The following UTP20 variants were observed in gnomAD, a reference collection of about 807,000 sequenced individuals.
The protein encoded by UTP20 is UTP20 small subunit processome component.
Under a neutral mutation model 329.5 loss-of-function variants are expected in UTP20, and 164 were observed. The observed-to-expected ratio is 0.50, with a 90% CI of 0.44 to 0.57. The LOEUF is 0.57. Ranked by LOEUF, UTP20 falls within the 20% of genes least tolerant of loss-of-function variation. The pLI is 0.00. For missense variants in UTP20, 3,055 were observed against 3,284.2 expected, an observed-to-expected ratio of 0.93 and a Z score of 1.71; for synonymous variants, 1,151 against 1,159.3, an observed-to-expected ratio of 0.99 and a Z score of 0.14.
intron 43 of UTP20, among the ~76,000 whole-genome samples, chr12:101,357,983 A>G (rs550389542): frequency 2.0e-5 from 3 of 152,320 alleles, no homozygotes; most frequent in Admixed American, 2.0e-4. Flanking sequence ...CTTCTTTTCA[A>G]GTAAGCAGCC....
chr12:101,335,342 A>G (rs1320447257), intron 29 of UTP20, among the ~76,000 whole-genome samples: 1 of 152,216 alleles, frequency 6.6e-6, no homozygotes, highest in African/African-American at 2.4e-5. Flanking sequence ...ATTGATAGAG[A>G]TGTTCTTCCA....
At chr12:101,285,661 T>C in intron 3 of UTP20, 25 bp downstream of exon 3, 1 of 1,613,746 alleles carries the variant, frequency 6.2e-7, no homozygotes. Flanking sequence ...GTTTCTATTT[T>C]ATTCACCCAT....
At chr12:101,340,314 G>T (rs1869079392) in intron 31 of UTP20, among the ~76,000 whole-genome samples, 1 of 152,142 alleles carries the variant, frequency 6.6e-6, no homozygotes, top group South Asian at 2.1e-4. Context: ...TAGAATAGTG[G>T]CCATGAGCTT....
chr12:101,291,590 T>G, intron 8 of UTP20, 152 bp from the exon 9 acceptor site: 1 of 594,222 alleles, frequency 1.7e-6, no homozygotes, highest in Non-Finnish European at 2.6e-6. Context: ...TCAGCCAATG[T>G]TAGCTGTTAT....
At position 101,293,243 on chromosome 12, in the gene UTP20, C is replaced by A. The variant is rs746667615; in HGVS notation, c.1249C>A (p.Gln417Lys). ...EVMFAMKQFE[Q>K]LFLPSFLSYI... is the part of the protein sequence containing the mutation. ...CATGTTTGCCATGAAGCAGTTTGAGCAGGTAAGCAAGTTACTAAGTTCGGA... is the reference window on the plus strand; with the variant it reads ...CATGTTTGCCATGAAGCAGTTTGAGAAGGTAAGCAAGTTACTAAGTTCGGA... The change falls in exon 11 of 62, where the codon CAG becomes AAG. Residue 417 changes from glutamine to lysine, a missense_variant and splice_region_variant. Around this residue, in one of 3 missense-constraint regions of UTP20, gnomAD observed 2,445 missense variants for 2,575.5 expected, o/e 0.95. Coordinates refer to ENST00000261637, the MANE Select transcript of UTP20 (RefSeq NM_014503.3). 1 of 1,613,642 alleles carries A rather than the reference C, an allele frequency of 6.2e-7. No homozygotes were observed. The highest frequency in any genetic ancestry group is 1.1e-5 in the South Asian group (1 of 91,062).
At chr12:101,371,851 G>C (rs1870306163) in intron 51 of UTP20, among the ~76,000 whole-genome samples, 1 of 152,112 alleles carries the variant, frequency 6.6e-6, no homozygotes, top group Non-Finnish European at 1.5e-5. Context: ...TCTAAGAATA[G>C]CAAGGAGCTA....
At chr12:101,372,814 A>G in intron 51 of UTP20, 70 bp from the exon 52 acceptor site, 1 of 1,328,112 alleles carries the variant, frequency 7.5e-7, no homozygotes, top group Middle Eastern at 2.0e-4. Context: ...TGAGTTCCAG[A>G]AAGCAGCTTA....
chr12:101,314,368 A>C (rs1419902990), intron 21 of UTP20, among the ~76,000 whole-genome samples: 7 of 152,124 alleles, frequency 4.6e-5, no homozygotes, highest in African/African-American at 1.4e-4. Flanking sequence ...GCCTAATTAA[A>C]ATAAGCTTGG....
Position 101,312,052 on chromosome 12 carries a change from T to C in UTP20, c.2328T>C (p.Asn776=). The change falls in exon 21 of 62, where the codon AAT becomes AAC. Residue 776 remains asparagine (N), a synonymous_variant. Coordinates refer to ENST00000261637, the MANE Select transcript of UTP20 (RefSeq NM_014503.3). Reference sequence around the variant, plus strand: ...TTCTTGCAGAGAAGGAACTACAGAATGATATGACAGATGAGAAGTCCGTTG... The same window carrying C: ...TTCTTGCAGAGAAGGAACTACAGAACGATATGACAGATGAGAAGTCCGTTG... The part of the protein sequence containing the change: ...AATHAEKELQ[N]DMTDEKSVGD... The C allele has an allele frequency of 6.2e-7, 1 of 1,614,220 alleles. No homozygotes were observed. Among genetic ancestry groups the C allele is most frequent in the Non-Finnish European group, 8.5e-7 (1 of 1,180,030 alleles).
intron 31 of UTP20, among the ~76,000 whole-genome samples, chr12:101,340,300 G>T (rs1265905298): frequency 6.6e-6 from 1 of 152,160 alleles, no homozygotes; most frequent in Non-Finnish European, 1.5e-5. Context: ...TATTGCAAAA[G>T]AAATAGAATA....
At chr12:101,342,254 G>A (rs1270584934) in intron 32 of UTP20, among the ~76,000 whole-genome samples, 192 bp from the exon 33 acceptor site, 1 of 152,040 alleles carries the variant, frequency 6.6e-6, no homozygotes, top group Non-Finnish European at 1.5e-5. Flanking sequence ...GGAAGAAACT[G>A]GTTCACACAT....
Position 101,292,080 on chromosome 12 carries a change from C to T in UTP20, c.1149C>T (p.Thr383=), listed in dbSNP as rs1322097579. ...GTGAAAATGTTTCCTTGCCGGAGAC[C>T]CTCATCAAAGAAACCATAGAAAAAG... is the stretch of plus-strand genomic sequence containing the variant. The part of the protein sequence containing the change: ...ILGENVSLPE[T]LIKETIEKIF... The change falls in exon 10 of 62, where the codon ACC becomes ACT. Residue 383 remains threonine (T), a synonymous_variant. Coordinates refer to ENST00000261637, the MANE Select transcript of UTP20 (RefSeq NM_014503.3). 6.2e-7 allele frequency: 1 copy of T among 1,613,346 alleles called. No individual in the cohort carries two copies. The highest frequency in any genetic ancestry group is 2.2e-5 in the East Asian group (1 of 44,840).
chr12:101,361,463 A>G lies in UTP20; in HGVS notation c.5692-499A>G, dbSNP rs147735594. Among the ~76,000 whole-genome samples the G allele has an allele frequency of 2.7e-3, 412 of 151,948 alleles. 2 individuals are homozygous for G. The highest frequency in any genetic ancestry group is 9.3e-3 in the African/African-American group (385 of 41,430). ...ACATGATGAAACCCCATCTTTACAA[A>G]AAGTACAAAAAAATTAGCCAGTCAC... On this transcript the variant is annotated intron_variant, in intron 43 of 61. Transcript: ENST00000261637.
chr12:101,295,427 C>G, intron 11 of UTP20, 53 bp from the exon 12 acceptor site: 1 of 1,455,774 alleles, frequency 6.9e-7, no homozygotes, highest in African/African-American at 1.4e-5. Flanking sequence ...TTGTTAGCAT[C>G]TTCTCTTTAT....
At chr12:101,332,381 C>T (rs956382329) in intron 27 of UTP20, among the ~76,000 whole-genome samples, 5 of 152,116 alleles carry the variant, frequency 3.3e-5, no homozygotes. Context: ...CAGTCTCTCA[C>T]ATACATTCAA....
intron 61 of UTP20, 24 bp from the exon 62 acceptor site, chr12:101,385,944 T>G: frequency 6.6e-7 from 1 of 1,525,202 alleles, no homozygotes; most frequent in Non-Finnish European, 8.9e-7. Context: ...AAAAGTAATA[T>G]AAAATTTCTA....
chr12:101,292,158 A>C, intron 10 of UTP20, 54 bp downstream of exon 10: 3 of 1,571,508 alleles, frequency 1.9e-6, no homozygotes, highest in Non-Finnish European at 2.6e-6. Flanking sequence ...TTTAGCATTG[A>C]GTAACCTTCT....
chr12:101,382,393 G>T (rs953538572), intron 58 of UTP20, among the ~76,000 whole-genome samples: 7 of 152,070 alleles, frequency 4.6e-5, no homozygotes, highest in Admixed American at 3.3e-4. Flanking sequence ...GTGAGACTCT[G>T]TCTCAAAAAA....
intron 38 of UTP20, among the ~76,000 whole-genome samples, chr12:101,350,325 C>G (rs1419802561): frequency 6.6e-6 from 1 of 152,054 alleles, no homozygotes; most frequent in Non-Finnish European, 1.5e-5. Flanking sequence ...CACCACTGCA[C>G]CTGGCTAATT....
Sources: gnomAD v4.1 joint callset for allele counts (sites outside exome capture counted in the v4.1 genomes callset) on GRCh38, gnomAD v4.1.1 for gene constraint, gnomAD v4.1.1 regional missense constraint, MANE v1.5 for transcripts, NCBI Gene and HGNC (gene_info 2026-07-23, HGNC 2026-07-21) for gene names.